MAPKAPK2: variants seen among roughly 807,000 people sequenced by gnomAD.
MAPKAPK2 encodes MAPK activated protein kinase 2.
MAPKAPK2 carries 9 observed loss-of-function variants against 48.8 expected under a neutral mutation model. The observed-to-expected ratio is 0.18, with a 90% CI of 0.11 to 0.32. The LOEUF (loss-of-function observed/expected upper bound fraction) is 0.32, where lower values mean the gene tolerates loss of function less well. Among genes scored for constraint, MAPKAPK2 ranks in the 10% least tolerant of loss-of-function variants. The pLI, the probability that MAPKAPK2 is intolerant of heterozygous loss-of-function variation, is 1.00. For missense variants in MAPKAPK2, 331 were observed against 498.3 expected (o/e 0.66, Z 3.20); for synonymous variants, 202 against 190.6 (o/e 1.06, Z -0.49).
chr1:206,720,788 T>C (rs1336259397), intron 1 of MAPKAPK2, among the ~76,000 whole-genome samples: 1 of 152,130 alleles, frequency 6.6e-6, no homozygotes, highest in Non-Finnish European at 1.5e-5. Context: ...TTAAAGAAAG[T>C]ACACATTGGG....
chr1:206,685,983 C>T (rs1672276108), intron 1 of MAPKAPK2, among the ~76,000 whole-genome samples: 1 of 152,206 alleles, frequency 6.6e-6, no homozygotes, highest in Non-Finnish European at 1.5e-5. Context: ...TATTTAGCCT[C>T]GCTCCTTATT....
Position 206,732,547 on chromosome 1 carries a change from A to C in MAPKAPK2, c.1060-28A>C, listed in dbSNP as rs1198113200. 1 of 1,612,146 alleles carries C rather than the reference A, an allele frequency of 6.2e-7. No homozygotes were observed. The highest frequency in any genetic ancestry group is 8.5e-7 in the Non-Finnish European group (1 of 1,179,394). On this transcript the variant is annotated intron_variant, in intron 9 of 9. Transcript: ENST00000367103. The surrounding 1 kb of genome is among the most constrained non-coding windows in gnomAD (Gnocchi z 4.4). Reference sequence around the variant, plus strand: ...CTACCTGTCTTCTGGCTCTCTCTGTACCCTTCCTGGTGCTGCCGTGCCCCC... The same window carrying C: ...CTACCTGTCTTCTGGCTCTCTCTGTCCCCTTCCTGGTGCTGCCGTGCCCCC...
intron 1 of MAPKAPK2, among the ~76,000 whole-genome samples, chr1:206,721,507 GT>G (rs1553431213): frequency 6.6e-6 from 1 of 152,144 alleles, no homozygotes; most frequent in Non-Finnish European, 1.5e-5. Flanking sequence ...ACATCAAAGG[GT>G]TTGCACTTTA....
rs1553432680 is a variant in MAPKAPK2 at position 206,731,539 on chromosome 1, C to T, written c.893-101C>T. On this transcript the variant is annotated intron_variant, in intron 7 of 9. Coordinates refer to ENST00000367103, the MANE Select transcript of MAPKAPK2 (RefSeq NM_032960.4). This position sits in a 1 kb window ranked among gnomAD's most constrained non-coding sequence, Gnocchi z 5.9. ...GTTGCTCCGGCAGCCTGCCTCCATG[C>T]ACCCCCTCTTTGAACCTGGTTTCCC... 3 of 1,168,838 alleles carry T rather than the reference C, an allele frequency of 2.6e-6. No individual in the cohort carries two copies. The highest frequency in any genetic ancestry group is 3.0e-5 in the African/African-American group (2 of 66,212). 72.4% of individuals were successfully genotyped at this position (1,168,838 alleles called of 1,614,324 possible).
At chr1:206,716,374 A>T (rs782666851) in intron 1 of MAPKAPK2, among the ~76,000 whole-genome samples, 19 of 151,870 alleles carry the variant, frequency 1.3e-4, no homozygotes, top group Non-Finnish European at 2.6e-4. Context: ...CTCCCTGGCC[A>T]TGTAGTCTGC....
In MAPKAPK2 at chr1:206,704,853, A is replaced by G. The variant is rs1553428354; in HGVS notation, c.279+19345A>G. ...GTGTACTCCAAGTGGTAGGAGAGCTATGTTCAGGGAACTGGGTGAACTTGG... is the reference window on the plus strand; with the variant it reads ...GTGTACTCCAAGTGGTAGGAGAGCTGTGTTCAGGGAACTGGGTGAACTTGG... On this transcript the variant is annotated intron_variant, in intron 1 of 9. Transcript: ENST00000367103. The surrounding 1 kb of genome is among the most constrained non-coding windows in gnomAD (Gnocchi z 4.3). Among the ~76,000 whole-genome samples, 1 of 152,180 alleles carries G rather than the reference A, an allele frequency of 6.6e-6. No individual in the cohort carries two copies. Among genetic ancestry groups the G allele is most frequent in the Non-Finnish European group, 1.5e-5 (1 of 68,032 alleles).
intron 1 of MAPKAPK2, among the ~76,000 whole-genome samples, chr1:206,711,806 A>C (rs1553429513): frequency 1.3e-5 from 2 of 151,682 alleles, no homozygotes; most frequent in Non-Finnish European, 2.9e-5. Flanking sequence ...TTTTATTCGT[A>C]GAGACAGGGT....
intron 1 of MAPKAPK2, among the ~76,000 whole-genome samples, chr1:206,690,808 G>A (rs1672433207): frequency 6.6e-6 from 1 of 152,210 alleles, no homozygotes; most frequent in Non-Finnish European, 1.5e-5. Context: ...TTCCCAAGCA[G>A]CCTTGCCATG....
Position 206,731,484 on chromosome 1 carries a change from G to A in MAPKAPK2, c.893-156G>A, listed in dbSNP as rs1474397057. ...TGTGGGGCTGTGCAGGGCCTCTCAA[G>A]TGGTACAGCCGTAATGGTCCTTGGG... On this transcript the variant is annotated intron_variant, in intron 7 of 9. Transcript: ENST00000367103. This position sits in a 1 kb window ranked among gnomAD's most constrained non-coding sequence, Gnocchi z 5.9. 2 of 1,077,770 alleles carry A rather than the reference G, an allele frequency of 1.9e-6. No individual in the cohort carries two copies. Among genetic ancestry groups the A allele is most frequent in the African/African-American group, 1.6e-5 (1 of 64,358 alleles). The allele number at this position is 1,077,770 out of a possible 1,614,324, so 66.8% of individuals were successfully genotyped here.
chr1:206,728,070 C>A (rs72755087), intron 1 of MAPKAPK2, among the ~76,000 whole-genome samples: 6,092 of 152,238 alleles, frequency 0.04, 181 homozygotes, highest in Non-Finnish European at 0.055. Context: ...TCCTTTAATA[C>A]CCCTAGCCAA....
At chr1:206,730,901 G>A (rs903676561) in intron 6 of MAPKAPK2, 138 bp downstream of exon 6, 1 of 1,017,580 alleles carries the variant, frequency 9.8e-7, no homozygotes. Flanking sequence ...TCTCAGTTCC[G>A]ATAGCTAAGT....
At chr1:206,703,003 G>A (rs377241160) in intron 1 of MAPKAPK2, among the ~76,000 whole-genome samples, 26 of 152,156 alleles carry the variant, frequency 1.7e-4, no homozygotes, top group African/African-American at 5.8e-4. Context: ...TCAAATTACA[G>A]CCCCCTGCCA....
rs1553426936 is a variant in MAPKAPK2, at chr1:206,695,773, T to TC, written c.279+10265_279+10266insC. ...TGCAAGGCATCTCTCTCTCTCTCTC[T>TC]TTTTTTTTTTAACAGGAAGGTAATT... On this transcript the variant is annotated intron_variant, in intron 1 of 9. Transcript: ENST00000367103. The TC allele has an allele frequency of 1.9e-4, 18 of 96,812 alleles. 1 individual carries two copies. Among genetic ancestry groups the TC allele is most frequent in the Admixed American group, 1.0e-3 (5 of 4,942 alleles). 6.0% of individuals were successfully genotyped at this position (96,812 alleles called of 1,614,324 possible).
Position 206,732,674 on chromosome 1 carries a change from C to A in MAPKAPK2, c.1159C>A (p.Arg387=), listed in dbSNP as rs782691475. 5.0e-6 allele frequency: 8 copies of A among 1,614,186 alleles called. No homozygotes were observed. Among genetic ancestry groups the A allele is most frequent in the Non-Finnish European group, 6.8e-6 (8 of 1,180,028 alleles). The part of the protein sequence containing the change: ...DASNPLLLKR[R]KKARALEAAA... ...ATCCAACCCTCTGCTGCTGAAGAGG[C>A]GGAAGAAAGCTCGGGCCCTGGAGGC... The change falls in exon 10 of 10, where the codon CGG becomes AGG. Residue 387 remains arginine, a synonymous_variant. Transcript: ENST00000367103. The surrounding 1 kb of genome is among the most constrained non-coding windows in gnomAD (Gnocchi z 4.4).
intron 1 of MAPKAPK2, among the ~76,000 whole-genome samples, chr1:206,702,890 A>C (rs1038829157): frequency 2.0e-5 from 3 of 152,218 alleles, no homozygotes; most frequent in Non-Finnish European, 4.4e-5. Context: ...TTCAAGGCTC[A>C]TAATAGATTT....
rs17041931 is a variant in MAPKAPK2 at position 206,685,301 on chromosome 1, C to A, written c.72C>A (p.Pro24=). Residue 24 remains proline, a synonymous_variant, in exon 1 of 10, where the codon CCC becomes CCA. Transcript: ENST00000367103. ...CCCCGGCCCCGCCGCCGCAGCCCCC[C>A]ACCCCTGCCCTGCCGCACCCCCCGG... ...FPAPAPPPQP[P]TPALPHPPAQ... The A allele has an allele frequency of 8.2e-4, 562 of 687,584 alleles. 9 individuals are homozygous for A. Among genetic ancestry groups the A allele is most frequent in the Middle Eastern group, 3.4e-3 (7 of 2,072 alleles). The allele number at this position is 687,584 out of a possible 1,614,324, so 42.6% of individuals were successfully genotyped here. A position where few individuals can be genotyped will look rare whatever the true frequency, so the allele number is the denominator to read the frequency against.
chr1:206,732,194 C>G lies in MAPKAPK2; in HGVS notation c.1059+275C>G. On this transcript the variant is annotated intron_variant, in intron 9 of 9. Transcript: ENST00000367103. This position sits in a 1 kb window ranked among gnomAD's most constrained non-coding sequence, Gnocchi z 4.4. Reference sequence around the variant, plus strand: ...CTTAAAGACCATCTGGTATCATCTTCTCATTTTGCAGAAGAGAAACTGAGG... The same window carrying G: ...CTTAAAGACCATCTGGTATCATCTTGTCATTTTGCAGAAGAGAAACTGAGG... 1 of 1,586,992 alleles carries G rather than the reference C, an allele frequency of 6.3e-7. No individual in the cohort carries two copies. The highest frequency in any genetic ancestry group is 8.6e-7 in the Non-Finnish European group (1 of 1,161,750).
At chr1:206,696,665 G>T (rs1553427109) in intron 1 of MAPKAPK2, among the ~76,000 whole-genome samples, 1 of 152,134 alleles carries the variant, frequency 6.6e-6, no homozygotes, top group Non-Finnish European at 1.5e-5. Context: ...GATCATGTCA[G>T]TGCACTCCAG....
At chr1:206,722,150 G>A (rs1390002101) in intron 1 of MAPKAPK2, among the ~76,000 whole-genome samples, 10 of 151,616 alleles carry the variant, frequency 6.6e-5, no homozygotes, top group South Asian at 4.2e-4. Flanking sequence ...CACGAGGTCA[G>A]GAGATCGAGA....
Sources: gnomAD v4.1 joint callset for allele counts (sites outside exome capture counted in the v4.1 genomes callset) on GRCh38, gnomAD v4.1.1 for gene constraint, Gnocchi (gnomAD v3.1) non-coding constraint, MANE v1.5 for transcripts, NCBI Gene and HGNC (gene_info 2026-07-23, HGNC 2026-07-21) for gene names.